The following TLL1 variants were observed in gnomAD, a reference collection of about 807,000 sequenced individuals.
TLL1 encodes tolloid-like protein 1.
A neutral mutation model predicts 128.2 loss-of-function variants in TLL1; 49 were observed. The observed-to-expected ratio is 0.38, with a 90% confidence interval of 0.30 to 0.48. The LOEUF is 0.48. Among genes scored for constraint, TLL1 ranks in the 20% least tolerant of loss-of-function variants. TLL1 has a pLI of 0.96. For missense variants in TLL1, 1,123 were observed against 1,242.0 expected (o/e 0.90, Z 1.44); for synonymous variants, 454 against 418.8 (o/e 1.08, Z -1.03).
chr4:166,062,352 A>T (rs1254517662), intron 15 of TLL1, among the ~76,000 whole-genome samples: 1 of 152,202 alleles, frequency 6.6e-6, no homozygotes, highest in Non-Finnish European at 1.5e-5. Context: ...ATCCATGAGC[A>T]TGGAATGTTC....
chr4:166,047,788 C>G (rs1032437177), intron 12 of TLL1, among the ~76,000 whole-genome samples: 3 of 152,038 alleles, frequency 2.0e-5, no homozygotes, highest in Non-Finnish European at 4.4e-5. Flanking sequence ...TGTAATTATA[C>G]CATTTGGGAA....
intron 1 of TLL1, among the ~76,000 whole-genome samples, chr4:165,957,874 C>A (rs1734888481): frequency 8.9e-6 from 1 of 112,872 alleles, no homozygotes; most frequent in South Asian, 3.9e-4. Context: ...CCCCCCACCC[C>A]ACAACAGTCC....
intron 8 of TLL1, among the ~76,000 whole-genome samples, chr4:166,020,573 G>A (rs936059800): frequency 1.3e-5 from 2 of 151,964 alleles, no homozygotes; most frequent in Non-Finnish European, 2.9e-5. Context: ...TTCTAAATGC[G>A]TTGACCTCCA....
chr4:166,063,933 C>T (rs1740456421), intron 15 of TLL1, among the ~76,000 whole-genome samples: 1 of 151,496 alleles, frequency 6.6e-6, no homozygotes, highest in Non-Finnish European at 1.5e-5. Flanking sequence ...CAACATGGCA[C>T]GTGTATACGT....
rs373393416 is a variant in TLL1, at chr4:165,935,507, T to C, written c.170-53874T>C. ...GGAAAACAAATAAAAATAAAAAACATACAGCTTAGCGAATTACAAGCTGAA... is the reference window on the plus strand; with the variant it reads ...GGAAAACAAATAAAAATAAAAAACACACAGCTTAGCGAATTACAAGCTGAA... On this transcript the variant is annotated intron_variant, in intron 1 of 20. Transcript: ENST00000061240. 1.3e-4 allele frequency among the ~76,000 whole-genome samples: 20 copies of C among 152,272 alleles called. 1 individual carries two copies. Among genetic ancestry groups the C allele is most frequent in the Admixed American group, 5.2e-4 (8 of 15,298 alleles).
intron 18 of TLL1, among the ~76,000 whole-genome samples, chr4:166,087,666 T>C (rs1218798303): frequency 6.6e-6 from 1 of 152,168 alleles, no homozygotes; most frequent in African/African-American, 2.4e-5. Context: ...TTTGTGAATA[T>C]ATGCAGTTAC....
rs368388048 is a variant in TLL1 at position 165,945,264 on chromosome 4, A to G, written c.170-44117A>G. Among the ~76,000 whole-genome samples the G allele has an allele frequency of 8.6e-5, 13 of 151,734 alleles. 1 individual carries two copies. Among genetic ancestry groups the G allele is most frequent in the East Asian group, 7.7e-4 (4 of 5,176 alleles). On this transcript the variant is annotated intron_variant, in intron 1 of 20. Transcript: ENST00000061240. The stretch of plus-strand genomic sequence containing the variant: ...AAAAATTGAGTAGGATTTATTAAGT[A>G]GGAGAGGAGGATCTAACGGCAGCAT...
At chr4:165,973,266 T>G (rs1441979907) in intron 1 of TLL1, among the ~76,000 whole-genome samples, 2 of 152,112 alleles carry the variant, frequency 1.3e-5, no homozygotes, top group East Asian at 3.9e-4. Context: ...GTGCAGCCTT[T>G]ACCATCTTAA....
At chr4:165,919,779 C>A (rs1732963963) in intron 1 of TLL1, 2 of 455,834 alleles carry the variant, frequency 4.4e-6, no homozygotes, top group Non-Finnish European at 8.8e-6. Flanking sequence ...GTGCCTCTTG[C>A]AGGCCTTGTT....
chr4:165,880,248 T>C (rs1730917524), intron 1 of TLL1, among the ~76,000 whole-genome samples: 1 of 152,182 alleles, frequency 6.6e-6, no homozygotes, highest in Non-Finnish European at 1.5e-5. Context: ...ACTGCTAGTT[T>C]TGTCAGCTCC....
chr4:166,031,181 A>G (rs1045643728), intron 9 of TLL1, among the ~76,000 whole-genome samples: 1 of 152,142 alleles, frequency 6.6e-6, no homozygotes, highest in Non-Finnish European at 1.5e-5. Context: ...TTATAAATCA[A>G]TGTGAAGTCC....
intron 1 of TLL1, among the ~76,000 whole-genome samples, chr4:165,905,893 A>G (rs973460568): frequency 6.6e-6 from 1 of 152,082 alleles, no homozygotes; most frequent in African/African-American, 2.4e-5. Context: ...TCACCGTGAG[A>G]CACCCCACAA....
Position 166,103,462 on chromosome 4 carries a change from G to C in TLL1, c.*2586G>C, listed in dbSNP as rs368482518. 1 of 151,748 alleles carries C rather than the reference G, an allele frequency of 6.6e-6. No homozygotes were observed. Among genetic ancestry groups the C allele is most frequent in the Non-Finnish European group, 1.5e-5 (1 of 67,850 alleles). 9.4% of individuals were successfully genotyped at this position (151,748 alleles called of 1,614,324 possible). ...CCTGATGTGGTAGGGGAAATGTATT[G>C]CTCTATATTAAGAAATATTCTGGAT... On this transcript the variant is annotated 3_prime_UTR_variant, in exon 21 of 21. Coordinates refer to ENST00000061240, the MANE Select transcript of TLL1 (RefSeq NM_012464.5).
At chr4:165,944,331 G>C (rs915365582) in intron 1 of TLL1, among the ~76,000 whole-genome samples, 37 of 152,088 alleles carry the variant, frequency 2.4e-4, no homozygotes, top group Admixed American at 1.7e-3. Context: ...CTCAAACAAT[G>C]TAAGAAAAAG....
intron 1 of TLL1, among the ~76,000 whole-genome samples, chr4:165,965,705 A>G (rs989813555): frequency 3.3e-5 from 5 of 152,222 alleles, no homozygotes; most frequent in Non-Finnish European, 5.9e-5. Context: ...CATTGCCTAC[A>G]GTGAGTCACT....
intron 13 of TLL1, 106 bp downstream of exon 13, chr4:166,055,377 A>C: frequency 1.0e-6 from 1 of 978,958 alleles, no homozygotes. Flanking sequence ...TGAAAGTTGA[A>C]TATGAATAAG....
intron 1 of TLL1, among the ~76,000 whole-genome samples, chr4:165,968,303 A>G (rs1276024691): frequency 6.6e-6 from 1 of 152,198 alleles, no homozygotes; most frequent in Non-Finnish European, 1.5e-5. Flanking sequence ...ATTAGTAGCC[A>G]TCATATGATA....
At chr4:165,903,287 G>A (rs1239306540) in intron 1 of TLL1, among the ~76,000 whole-genome samples, 9 of 151,970 alleles carry the variant, frequency 5.9e-5, no homozygotes, top group East Asian at 1.9e-4. Flanking sequence ...GCAGTGAGCC[G>A]AGATCGTGCC....
chr4:165,977,217 C>A (rs1336517976), intron 1 of TLL1, among the ~76,000 whole-genome samples: 2 of 152,090 alleles, frequency 1.3e-5, no homozygotes, highest in African/African-American at 4.8e-5. Flanking sequence ...AGGGCAGAAC[C>A]TGGTGGGAGG....
Sources: allele counts gnomAD v4.1 joint callset (sites outside exome capture counted in the v4.1 genomes callset), GRCh38; gene constraint gnomAD v4.1.1; transcripts MANE v1.5; gene names NCBI Gene and HGNC (gene_info 2026-07-23, HGNC 2026-07-21).